The following SYNE1 variants were observed in gnomAD, a reference collection of about 807,000 sequenced individuals.
The protein encoded by SYNE1 is nesprin-1.
In SYNE1, 616 loss-of-function variants were observed where a neutral mutation model predicts 1,111.0. The observed-to-expected ratio is 0.55, with a 90% CI of 0.52 to 0.59. The LOEUF is 0.59. Ranked by LOEUF, SYNE1 falls within the 20% of genes least tolerant of loss-of-function variation. The pLI, the probability that SYNE1 is intolerant of heterozygous loss-of-function variation, is 0.00. For missense variants in SYNE1, 10,006 were observed against 10,417.0 expected, an observed-to-expected ratio of 0.96 and a Z score of 1.72; for synonymous variants, 3,855 against 3,825.8, an observed-to-expected ratio of 1.01 and a Z score of -0.28.
intron 3 of SYNE1, among the ~76,000 whole-genome samples, chr6:152,561,538 A>G (rs1244601919): frequency 6.6e-6 from 1 of 152,116 alleles, no homozygotes; most frequent in Non-Finnish European, 1.5e-5. Flanking sequence ...TCCTATCAAA[A>G]TTCCAACGGC....
At chr6:152,315,010 CA>C (rs1222032192) in intron 87 of SYNE1, among the ~76,000 whole-genome samples, 1 of 148,300 alleles carries the variant, frequency 6.7e-6, no homozygotes, top group African/African-American at 2.5e-5. Context: ...AAAAAAAAGT[CA>C]TGATAACCTT....
rs573741681 is a variant in SYNE1 at position 152,311,009 on chromosome 6, A to G, written c.16711-136T>C. 4.8e-6 allele frequency: 4 copies of G among 830,794 alleles called. No homozygotes were observed. The South Asian group carries it at 5.9e-5, about 12-fold the overall frequency. 51.5% of individuals were successfully genotyped at this position (830,794 alleles called of 1,614,324 possible). On this transcript the variant is annotated intron_variant, in intron 87 of 145. Transcript: ENST00000367255. ...TGTTTAACCTTCACCCCCCATGACC[A>G]CTTTCTACTTGGTAGCCACTTACTA... is the stretch of plus-strand genomic sequence containing the variant.
chr6:152,154,546 A>C (rs571787400), intron 133 of SYNE1, among the ~76,000 whole-genome samples: 66 of 152,320 alleles, frequency 4.3e-4, no homozygotes, highest in African/African-American at 1.6e-3. Flanking sequence ...TGGTTTAAAA[A>C]AATCATATTT....
chr6:152,432,293 T>A (rs558582370), intron 34 of SYNE1, among the ~76,000 whole-genome samples: 15 of 152,262 alleles, frequency 9.9e-5, no homozygotes, highest in Admixed American at 9.2e-4. Context: ...AGGAAAAATA[T>A]TACAAGTGTT....
In SYNE1 at chr6:152,450,722, T is replaced by G. The variant is rs756137323; in HGVS notation, c.3298A>C (p.Thr1100Pro). Residue 1100 changes from threonine (T) to proline (P), a missense_variant, in exon 27 of 146, where the codon ACC becomes CCC. By Grantham distance (38) the Thr-to-Pro change is conservative. Transcript: ENST00000367255. Reference protein sequence around the residue: ...VRDPVRDTPGTCHVTLKELRA... With the variant: ...VRDPVRDTPGPCHVTLKELRA... ...AGCTCTTTGAGAGTCACGTGACAGG[T>G]TCCAGGTGTGTCCCTTACTGGGTCC... The G allele has an allele frequency of 3.1e-6, 5 of 1,614,010 alleles. No individual in the cohort carries two copies. The African/African-American group carries it at 5.3e-5, about 17-fold the overall frequency.
chr6:152,237,756 T>C (rs1409597948), intron 108 of SYNE1, among the ~76,000 whole-genome samples: 2 of 152,240 alleles, frequency 1.3e-5, no homozygotes, highest in Non-Finnish European at 2.9e-5. Flanking sequence ...ATAGTTTATA[T>C]ATTCTGTTAA....
chr6:152,532,090 A>G (rs1176855669), intron 4 of SYNE1, among the ~76,000 whole-genome samples: 1 of 152,204 alleles, frequency 6.6e-6, no homozygotes, highest in Non-Finnish European at 1.5e-5. Context: ...ATTGTTTTAC[A>G]TAGTGGCTGC....
intron 69 of SYNE1, 87 bp from the exon 70 acceptor site, chr6:152,352,440 T>C: frequency 3.6e-6 from 5 of 1,406,742 alleles, no homozygotes; most frequent in Non-Finnish European, 4.9e-6. Flanking sequence ...TTTCACTTTG[T>C]CACCCAGGCT....
intron 5 of SYNE1, among the ~76,000 whole-genome samples, chr6:152,524,462 A>T (rs2099154268): frequency 6.6e-6 from 1 of 152,146 alleles, no homozygotes; most frequent in Non-Finnish European, 1.5e-5. Context: ...AGCTTAATTC[A>T]GGAGGATATA....
chr6:152,164,092 C>T (rs555281155), intron 131 of SYNE1, 71 bp downstream of exon 131: 1 of 1,597,348 alleles, frequency 6.3e-7, no homozygotes, highest in Admixed American at 1.7e-5. Context: ...ATCTCATGCC[C>T]ACCCCATCAT....
intron 116 of SYNE1, 145 bp from the exon 117 acceptor site, chr6:152,224,809 T>C: frequency 1.2e-6 from 1 of 846,074 alleles, no homozygotes; most frequent in East Asian, 2.7e-5. Context: ...AAGAAAAAGA[T>C]TTAAAAGGTA....
rs1212016814 is a variant in SYNE1 at position 152,152,222 on chromosome 6, G to A, written c.24130-81C>T. 3.7e-5 allele frequency: 47 copies of A among 1,262,530 alleles called. No homozygotes were observed. The East Asian group carries it at 5.8e-4, about 16-fold the overall frequency. The allele number at this position is 1,262,530 out of a possible 1,614,324, so 78.2% of individuals were successfully genotyped here. A position where few individuals can be genotyped will look rare whatever the true frequency, so the allele number is the denominator to read the frequency against. ...TGGCTCCTGGTTTTCTTATTGTAGC[G>A]TCTGGGAGAATGGGAAGTTACACTA... On this transcript the variant is annotated intron_variant, in intron 133 of 145. Coordinates refer to ENST00000367255, the MANE Select transcript of SYNE1 (RefSeq NM_182961.4).
intron 46 of SYNE1, among the ~76,000 whole-genome samples, chr6:152,401,754 A>C (rs1289290388): frequency 2.6e-5 from 4 of 152,242 alleles, no homozygotes; most frequent in African/African-American, 9.6e-5. Flanking sequence ...GGATTTTATC[A>C]TAAAACAATT....
intron 2 of SYNE1, among the ~76,000 whole-genome samples, chr6:152,635,634 G>T (rs1018710290): frequency 6.6e-6 from 1 of 152,144 alleles, no homozygotes; most frequent in South Asian, 2.1e-4. Flanking sequence ...CATAGGTCTG[G>T]CTTCTGTATA....
chr6:152,230,920 A>G (rs1279658270), intron 114 of SYNE1, among the ~76,000 whole-genome samples: 2 of 152,086 alleles, frequency 1.3e-5, no homozygotes, highest in African/African-American at 4.8e-5. Context: ...AAATAAACGA[A>G]CACTAACAAT....
intron 93 of SYNE1, 98 bp downstream of exon 93, chr6:152,300,543 A>G (rs2095113700): frequency 1.0e-5 from 16 of 1,565,300 alleles, no homozygotes; most frequent in South Asian, 6.7e-5. Context: ...CAAATGCAAC[A>G]AAGTCTGAGA....
intron 3 of SYNE1, among the ~76,000 whole-genome samples, chr6:152,619,423 G>C (rs1298882061): frequency 6.6e-6 from 1 of 152,140 alleles, no homozygotes; most frequent in Admixed American, 6.5e-5. Context: ...CTTTTGGGGA[G>C]GGTTCCATCC....
At chr6:152,621,285 G>A (rs2128910273) in intron 3 of SYNE1, among the ~76,000 whole-genome samples, 1 of 152,246 alleles carries the variant, frequency 6.6e-6, no homozygotes, top group East Asian at 1.9e-4. Context: ...TTAACAGGGA[G>A]GTCAAAGAAG....
At chr6:152,607,222 G>A (rs2099618191) in intron 3 of SYNE1, among the ~76,000 whole-genome samples, 1 of 151,290 alleles carries the variant, frequency 6.6e-6, no homozygotes, top group Non-Finnish European at 1.5e-5. Context: ...CTGAGCTTTT[G>A]ATCCACCTGC....
Sources: gnomAD v4.1 joint callset for allele counts (sites outside exome capture counted in the v4.1 genomes callset) on GRCh38, gnomAD v4.1.1 for gene constraint, MANE v1.5 for transcripts, NCBI Gene and HGNC (gene_info 2026-07-23, HGNC 2026-07-21) for gene names.